Variants in ZNF609 observed in about 807,000 individuals in gnomAD.
ZNF609 encodes the protein zinc finger protein 609.
Under a neutral mutation model 109.5 loss-of-function variants are expected in ZNF609, and 11 were observed. That is an observed-to-expected ratio of 0.10 (90% CI 0.06 to 0.17). The LOEUF is 0.17. Ranked by LOEUF, ZNF609 falls within the 10% of genes least tolerant of loss-of-function variation. The pLI, the probability that ZNF609 is intolerant of heterozygous loss-of-function variation, is 1.00. For missense variants in ZNF609, 1,559 were observed against 1,772.4 expected (o/e 0.88, Z 2.16); for synonymous variants, 646 against 662.0 (o/e 0.98, Z 0.37).
At position 64,674,061 on chromosome 15, in the gene ZNF609, G is replaced by A. The variant is rs771011824; in HGVS notation, c.1207G>A (p.Ala403Thr). The A allele has an allele frequency of 1.2e-5, 20 of 1,614,060 alleles. No homozygotes were observed. In the Admixed American group the frequency reaches 3.3e-4, roughly 27 times the overall value. The change falls in exon 5 of 10, where the codon GCA (alanine) becomes ACA (threonine). Residue 403 changes from alanine (A) to threonine (T), a missense_variant. Around this residue, in one of 4 missense-constraint regions of ZNF609, gnomAD observed 1,204 missense variants for 1,314.1 expected, o/e 0.92. Transcript: ENST00000326648. ...GACCAGTAACAGCAGCAAAACCCGG[G>A]CAGGAGCCAATAGCAAAGGCCGTCG... ...KGTSNSSKTR[A>T]GANSKGRRGS...
At position 64,681,317 on chromosome 15, in the gene ZNF609, T is replaced by C. The variant is rs1232502585; in HGVS notation, c.4171T>C (p.Ser1391Pro). The C allele has an allele frequency of 1.2e-6, 2 of 1,614,026 alleles. No homozygotes were observed. The highest frequency in any genetic ancestry group is 1.7e-6 in the Non-Finnish European group (2 of 1,179,930). Residue 1391 changes from serine to proline, a missense_variant, in exon 9 of 10, where the codon TCT becomes CCT. By Grantham distance (74) the Ser-to-Pro change is moderately conservative (BLOSUM62 -1). Around this residue, in one of 4 missense-constraint regions of ZNF609, gnomAD observed 1,204 missense variants for 1,314.1 expected, o/e 0.92. Transcript: ENST00000326648. ...TTCTCCTGCTTATTCAGGGCTTTCT[T>C]CTACAGCCATTGTTGCCAGCCAACA... ...YNLPYAAGLS[S>P]TAIVASQQGS...
intron 1 of ZNF609, among the ~76,000 whole-genome samples, chr15:64,490,318 G>C (rs1250534037): frequency 6.8e-6 from 1 of 147,324 alleles, no homozygotes; most frequent in Non-Finnish European, 1.5e-5. Flanking sequence ...CCGTTGCCCA[G>C]GCTGGAGTGC....
At chr15:64,478,837 C>G (rs1893208635) in intron 1 of ZNF609, among the ~76,000 whole-genome samples, 1 of 152,182 alleles carries the variant, frequency 6.6e-6, no homozygotes, top group Non-Finnish European at 1.5e-5. Flanking sequence ...CATACATTCT[C>G]CCTACCTATG....
At chr15:64,555,903 A>AG (rs1164243485) in intron 2 of ZNF609, among the ~76,000 whole-genome samples, 1 of 151,216 alleles carries the variant, frequency 6.6e-6, no homozygotes, top group Non-Finnish European at 1.5e-5. Flanking sequence ...AAAAAAAAAA[A>AG]AAAAAAAAGA....
At chr15:64,620,304 A>C (rs1895857742) in intron 2 of ZNF609, among the ~76,000 whole-genome samples, 1 of 152,212 alleles carries the variant, frequency 6.6e-6, no homozygotes, top group Admixed American at 6.5e-5. Flanking sequence ...AGAATAGATA[A>C]ACAGAGGTGA....
chr15:64,606,703 T>G (rs1358843968), intron 2 of ZNF609, among the ~76,000 whole-genome samples: 5 of 152,096 alleles, frequency 3.3e-5, no homozygotes, highest in African/African-American at 1.2e-4. Context: ...GAGCTACCAC[T>G]TCTGCCAAGA....
In ZNF609 at chr15:64,681,383, G is replaced by A. The variant is rs1414271447; in HGVS notation, c.*1G>A. On this transcript the variant is annotated 3_prime_UTR_variant, in exon 9 of 10. Transcript: ENST00000326648. ...ACTCTACCCACCCCCCAGGAGGTGA[G>A]AATGGTAAGTCACTTTTATTAATTT... is the stretch of plus-strand genomic sequence containing the variant. 2.0e-5 allele frequency: 32 copies of A among 1,613,570 alleles called. No homozygotes were observed. The highest frequency in any genetic ancestry group is 2.6e-5 in the Non-Finnish European group (31 of 1,179,634).
At chr15:64,486,990 G>A (rs910666784) in intron 1 of ZNF609, among the ~76,000 whole-genome samples, 3 of 151,996 alleles carry the variant, frequency 2.0e-5, no homozygotes, top group African/African-American at 7.3e-5. Context: ...CACAATTTTT[G>A]GTTAGGTCGA....
At chr15:64,676,316 A>G (rs1896810286) in intron 5 of ZNF609, 60 bp downstream of exon 5, 1 of 1,497,276 alleles carries the variant, frequency 6.7e-7, no homozygotes. Flanking sequence ...TCTTCCTCAC[A>G]AATAAGGGCT....
In ZNF609 at chr15:64,675,537, T is replaced by A. The variant is rs1896796033; in HGVS notation, c.2683T>A (p.Phe895Ile). Residue 895 changes from phenylalanine to isoleucine, a missense_variant, in exon 5 of 10, where the codon TTT becomes ATT. Phe to Ile is a conservative substitution (Grantham distance 21). Coordinates refer to ENST00000326648, the MANE Select transcript of ZNF609 (RefSeq NM_015042.2). ...QSKDSPYYQGFESYYSPSYAQ... is the reference protein window; with the variant it reads ...QSKDSPYYQGIESYYSPSYAQ... The stretch of plus-strand genomic sequence containing the variant: ...CAAAGACTCACCATATTACCAAGGC[T>A]TTGAGAGTTACTATTCTCCAAGTTA... The A allele has an allele frequency of 6.2e-7, 1 of 1,614,156 alleles. No individual in the cohort carries two copies. The highest frequency in any genetic ancestry group is 8.5e-7 in the Non-Finnish European group (1 of 1,180,030).
intron 4 of ZNF609, among the ~76,000 whole-genome samples, chr15:64,670,880 A>C (rs1262931607): frequency 8.3e-6 from 1 of 120,748 alleles, no homozygotes; most frequent in African/African-American, 4.3e-5. Context: ...ACTCCATCTC[A>C]AAAAAAAAAA....
chr15:64,554,417 G>A (rs562548265), intron 2 of ZNF609, among the ~76,000 whole-genome samples: 9 of 152,238 alleles, frequency 5.9e-5, no homozygotes, highest in East Asian at 1.9e-4. Context: ...AAGGCAGGCA[G>A]ATTGCTTGAG....
At chr15:64,632,240 A>G (rs753814911) in intron 3 of ZNF609, among the ~76,000 whole-genome samples, 16 of 151,712 alleles carry the variant, frequency 1.1e-4, no homozygotes, top group Non-Finnish European at 2.2e-4. Flanking sequence ...TTTTTGGTAG[A>G]GACAGTGTCT....
chr15:64,558,660 C>T (rs1486924012), intron 2 of ZNF609, among the ~76,000 whole-genome samples: 1 of 152,206 alleles, frequency 6.6e-6, no homozygotes, highest in Non-Finnish European at 1.5e-5. Context: ...TTCATTGCCA[C>T]AAGTTCTTTT....
chr15:64,588,672 G>A (rs1895244541), intron 2 of ZNF609, among the ~76,000 whole-genome samples: 1 of 141,100 alleles, frequency 7.1e-6, no homozygotes, highest in African/African-American at 2.6e-5. Flanking sequence ...TTTTTGAGAT[G>A]GAGTTTCGCC....
At chr15:64,498,285 G>T (rs527753803) in intron 1 of ZNF609, among the ~76,000 whole-genome samples, 2 of 152,206 alleles carry the variant, frequency 1.3e-5, no homozygotes, top group Admixed American at 6.5e-5. Flanking sequence ...CCTGACCTCA[G>T]GTGATTAGCC....
chr15:64,503,190 T>A (rs1489291431), intron 2 of ZNF609: 2 of 152,230 alleles, frequency 1.3e-5, no homozygotes, highest in Non-Finnish European at 2.9e-5. Context: ...GGATCCCACT[T>A]TTGCTCGACC....
At position 64,681,704 on chromosome 15, in the gene ZNF609, C is replaced by T. The variant is rs886227387; in HGVS notation, c.*18C>T. 13 of 245,824 alleles carry T rather than the reference C, an allele frequency of 5.3e-5. No homozygotes were observed. The highest frequency in any genetic ancestry group is 3.2e-4 in the East Asian group (4 of 12,510). The allele number at this position is 245,824 out of a possible 1,614,324, so 15.2% of individuals were successfully genotyped here. On this transcript the variant is annotated 3_prime_UTR_variant, in exon 10 of 10. Coordinates refer to ENST00000326648, the MANE Select transcript of ZNF609 (RefSeq NM_015042.2). ...GTTTCCCTTGCAGACACCAAGTGCC[C>T]GGATAAAGTCAGCTTCACGGGCCCG... is the stretch of plus-strand genomic sequence containing the variant.
chr15:64,497,147 C>T (rs1360011055), intron 1 of ZNF609, among the ~76,000 whole-genome samples: 3 of 152,166 alleles, frequency 2.0e-5, no homozygotes, highest in African/African-American at 7.2e-5. Flanking sequence ...ATTATGTTTC[C>T]TTTACCTTGT....
Sources: allele counts gnomAD v4.1 joint callset (sites outside exome capture counted in the v4.1 genomes callset), GRCh38; gene constraint gnomAD v4.1.1; regional missense constraint gnomAD v4.1.1; transcripts MANE v1.5; gene names NCBI Gene and HGNC (gene_info 2026-07-23, HGNC 2026-07-21).